MPRIP: variants seen among roughly 807,000 people sequenced by gnomAD.
MPRIP encodes the protein myosin phosphatase Rho-interacting protein.
A neutral mutation model predicts 234.9 loss-of-function variants in MPRIP; 59 were observed. The observed-to-expected ratio is 0.25, with a 90% CI of 0.20 to 0.31. MPRIP has a LOEUF of 0.31. Among genes scored for constraint, MPRIP ranks in the 10% least tolerant of loss-of-function variants. MPRIP has a pLI of 1.00. For missense variants in MPRIP, 2,436 were observed against 3,071.0 expected, an observed-to-expected ratio of 0.79 and a Z score of 4.89; for synonymous variants, 1,144 against 1,263.9, an observed-to-expected ratio of 0.91 and a Z score of 2.01.
intron 14 of MPRIP, among the ~76,000 whole-genome samples, chr17:17,160,344 G>T (rs572270401): frequency 6.6e-6 from 1 of 152,158 alleles, no homozygotes; most frequent in African/African-American, 2.4e-5. Context: ...CCAGCCTGGC[G>T]ACAGAGCGAG....
At chr17:17,058,941 G>C (rs1045409213) in intron 1 of MPRIP, among the ~76,000 whole-genome samples, 3 of 152,172 alleles carry the variant, frequency 2.0e-5, no homozygotes, top group African/African-American at 4.8e-5. Flanking sequence ...GGGTGGCTAG[G>C]TCAGCAGTTC....
chr17:17,166,760 G>A lies in MPRIP; in HGVS notation c.5169G>A (p.Val1723=), dbSNP rs1041173985. The A allele has an allele frequency of 2.3e-6, 3 of 1,304,118 alleles. No individual in the cohort carries two copies. The highest frequency in any genetic ancestry group is 3.0e-6 in the Non-Finnish European group (3 of 988,972). The allele number at this position is 1,304,118 out of a possible 1,614,324, so 80.8% of individuals were successfully genotyped here. A position where few individuals can be genotyped will look rare whatever the true frequency, so the allele number is the denominator to read the frequency against. ...GAYQTPDFER[V]MQQVLEALRL... ...ACCAAACCCCAGACTTTGAAAGAGT[G>A]ATGCAGCAGGTCTTGGAAGCCCTCA... The change falls in exon 16 of 24, where the codon GTG becomes GTA. Residue 1723 remains valine (V), a synonymous_variant. Coordinates refer to ENST00000651222, the MANE Select transcript of MPRIP (RefSeq NM_001364716.4). This position sits in a 1 kb window ranked among gnomAD's most constrained non-coding sequence, Gnocchi z 4.4.
At chr17:17,053,200 G>A (rs975507935) in intron 1 of MPRIP, among the ~76,000 whole-genome samples, 2 of 152,036 alleles carry the variant, frequency 1.3e-5, no homozygotes, top group Non-Finnish European at 2.9e-5. Context: ...ATTTCAGTGC[G>A]CCCAGGCAAG....
chr17:17,099,658 T>C (rs979455688), intron 3 of MPRIP, among the ~76,000 whole-genome samples: 7 of 152,156 alleles, frequency 4.6e-5, no homozygotes, highest in Admixed American at 3.9e-4. Flanking sequence ...GCCTGGGAGT[T>C]GGAGGCTGCA....
Position 17,164,238 on chromosome 17 carries a change from C to T in MPRIP, c.2647C>T (p.Arg883Cys), listed in dbSNP as rs1301816911. ...LITHQIQTLK[R>C]SYGEAKDTIR... The stretch of plus-strand genomic sequence containing the variant: ...TACACACCAGATTCAGACCCTGAAG[C>T]GTAGCTATGGGGAGGCCAAGGACAC... The change falls in exon 16 of 24, where the codon CGT becomes TGT. Residue 883 changes from arginine (R) to cysteine (C), a missense_variant. Around this residue, in one of 4 missense-constraint regions of MPRIP, gnomAD observed 1,998 missense variants for 2,520.3 expected, o/e 0.79. Coordinates refer to ENST00000651222, the MANE Select transcript of MPRIP (RefSeq NM_001364716.4). 16 of 1,304,184 alleles carry T rather than the reference C, an allele frequency of 1.2e-5. No homozygotes were observed. The highest frequency in any genetic ancestry group is 1.1e-4 in the East Asian group (2 of 18,032). The allele number at this position is 1,304,184 out of a possible 1,614,324, so 80.8% of individuals were successfully genotyped here.
chr17:17,109,103 C>T (rs2090119093), intron 3 of MPRIP, among the ~76,000 whole-genome samples: 1 of 152,222 alleles, frequency 6.6e-6, no homozygotes. Context: ...GTTCCCCTCC[C>T]TTCTTATCCA....
chr17:17,133,037 C>T (rs200669855), intron 5 of MPRIP, among the ~76,000 whole-genome samples: 2 of 152,164 alleles, frequency 1.3e-5, no homozygotes, highest in African/African-American at 4.8e-5. Flanking sequence ...GTGCAGAAGC[C>T]GCTCTCAGCC....
rs565668460 is a variant in MPRIP at position 17,179,866 on chromosome 17, C to T, written c.7121-137C>T. 1.3e-5 allele frequency: 9 copies of T among 689,884 alleles called. No homozygotes were observed. The South Asian group carries it at 1.6e-4, about 12-fold the overall frequency. 42.7% of individuals were successfully genotyped at this position (689,884 alleles called of 1,614,324 possible). A position where few individuals can be genotyped will look rare whatever the true frequency, so the allele number is the denominator to read the frequency against. On this transcript the variant is annotated intron_variant, in intron 22 of 23. Transcript: ENST00000651222. The stretch of plus-strand genomic sequence containing the variant: ...GTTTTATGGTTATTGGCTTTGAATT[C>T]CCTTAGAGTTGTTTAAGGAATTGTC...
In MPRIP at chr17:17,079,411, G is replaced by A. The variant is rs552136801; in HGVS notation, c.267+1335G>A. On this transcript the variant is annotated intron_variant, in intron 3 of 23. Coordinates refer to ENST00000651222, the MANE Select transcript of MPRIP (RefSeq NM_001364716.4). ...TGGACTTGGCTGGAAGTAGGAGCAG[G>A]GAGACAAAGCATTTGGACACTCCGT... Among the ~76,000 whole-genome samples the A allele has an allele frequency of 3.9e-5, 6 of 152,328 alleles. No individual in the cohort carries two copies. The South Asian group carries it at 1.0e-3, about 26-fold the overall frequency.
chr17:17,166,578 G>A lies in MPRIP; in HGVS notation c.4987G>A (p.Ala1663Thr). Residue 1663 changes from alanine (A) to threonine (T), a missense_variant, in exon 16 of 24, where the codon GCC becomes ACC. Physicochemically the swap from Ala to Thr is moderately conservative, Grantham distance 58. This residue lies in a region of MPRIP where 1,998 missense variants were observed against 2,520.3 expected (regional missense o/e 0.79). Transcript: ENST00000651222. The surrounding 1 kb of genome is among the most constrained non-coding windows in gnomAD (Gnocchi z 4.4). ...CCCACAGGGCCTGGCCCCCATCCTG[G>A]CCAATGCCACATGGGTCAGGGCAGA... is the stretch of plus-strand genomic sequence containing the variant. ...SIPQGLAPILANATWVRAELS... is the reference protein window; with the variant it reads ...SIPQGLAPILTNATWVRAELS... 3.1e-6 allele frequency: 4 copies of A among 1,304,170 alleles called. No homozygotes were observed. In the South Asian group the frequency reaches 3.7e-5, roughly 12 times the overall value. 80.8% of individuals were successfully genotyped at this position (1,304,170 alleles called of 1,614,324 possible). A position where few individuals can be genotyped will look rare whatever the true frequency, so the allele number is the denominator to read the frequency against.
chr17:17,147,228 CCCACAGGCTCTGGCTGCGCA>C, intron 10 of MPRIP, 71 bp from the exon 11 acceptor site: 1 of 1,248,508 alleles, frequency 8.0e-7, no homozygotes, highest in Non-Finnish European at 1.2e-6. Flanking sequence ...CTGGGAGGGC[CCCACAGGCTCTGGCTGCGCA>C]CCGCCGTGGC....
At chr17:17,086,547 C>G (rs1367745203) in intron 3 of MPRIP, among the ~76,000 whole-genome samples, 2 of 152,256 alleles carry the variant, frequency 1.3e-5, no homozygotes, top group Admixed American at 1.3e-4. Context: ...CAGGGAGGGC[C>G]CTGCTCGACT....
intron 3 of MPRIP, among the ~76,000 whole-genome samples, chr17:17,095,937 GA>G (rs2043872573): frequency 6.6e-6 from 1 of 152,124 alleles, no homozygotes; most frequent in Admixed American, 6.5e-5. Flanking sequence ...AAGTTTACTT[GA>G]TATCTTATAT....
At chr17:17,128,559 A>G (rs761784476) in intron 4 of MPRIP, among the ~76,000 whole-genome samples, 1 of 152,122 alleles carries the variant, frequency 6.6e-6, no homozygotes, top group Non-Finnish European at 1.5e-5. Context: ...GGACCAAGGT[A>G]CCGGGTGCAC....
At chr17:17,128,110 G>A in intron 4 of MPRIP, among the ~76,000 whole-genome samples, 1 of 152,230 alleles carries the variant, frequency 6.6e-6, no homozygotes, top group East Asian at 1.9e-4. Context: ...AGGGCCTAGA[G>A]ACAGGAGCCT....
Position 17,136,340 on chromosome 17 carries a change from G to A in MPRIP, c.626G>A (p.Arg209Lys), listed in dbSNP as rs747704794. The A allele has an allele frequency of 1.4e-5, 22 of 1,612,442 alleles. No individual in the cohort carries two copies. In the South Asian group the frequency reaches 2.2e-4, roughly 16 times the overall value. ...TCCACACTCTGGCAGGAAGAAATGA[G>A]GACCAAGGACCAGCCAGATGGCAGC... is the stretch of plus-strand genomic sequence containing the variant. ...TKSTLWQEEM[R>K]TKDQPDGSSL... Residue 209 changes from arginine (R) to lysine (K), a missense_variant, in exon 6 of 24, where the codon AGG (arginine) becomes AAG (lysine). Coordinates refer to ENST00000651222, the MANE Select transcript of MPRIP (RefSeq NM_001364716.4).
At chr17:17,143,705 T>C in intron 9 of MPRIP, 36 bp downstream of exon 9, 1 of 1,414,676 alleles carries the variant, frequency 7.1e-7, no homozygotes, top group Non-Finnish European at 9.8e-7. Context: ...GAGGCCGTGC[T>C]CCTCTGCTTC....
chr17:17,162,776 T>G (rs2045901111), intron 15 of MPRIP, among the ~76,000 whole-genome samples: 1 of 152,230 alleles, frequency 6.6e-6, no homozygotes, highest in South Asian at 2.1e-4. Context: ...TGAAAGGAAA[T>G]GCTCACTGGA....
intron 3 of MPRIP, among the ~76,000 whole-genome samples, chr17:17,099,872 T>C (rs2089923739): frequency 6.6e-6 from 1 of 152,208 alleles, no homozygotes; most frequent in Non-Finnish European, 1.5e-5. Flanking sequence ...AAAACTAACA[T>C]ATGTCTTGTA....
Sources: allele counts gnomAD v4.1 joint callset (sites outside exome capture counted in the v4.1 genomes callset), GRCh38; gene constraint gnomAD v4.1.1; regional missense constraint gnomAD v4.1.1; non-coding constraint Gnocchi (gnomAD v3.1); transcripts MANE v1.5; gene names NCBI Gene and HGNC (gene_info 2026-07-23, HGNC 2026-07-21).